RARB: variants seen among roughly 807,000 people sequenced by gnomAD.
The protein encoded by RARB is HBV-activated protein.
In RARB, 17 loss-of-function variants were observed where a neutral mutation model predicts 51.9. That is an observed-to-expected ratio of 0.33 (90% CI 0.22 to 0.49). The LOEUF is 0.49. RARB is among the 20% of genes least tolerant of loss of function. The pLI is 0.99. For missense variants in RARB, 369 were observed against 550.8 expected (o/e 0.67, Z 3.30); for synonymous variants, 215 against 195.4 (o/e 1.10, Z -0.84).
intron 5 of RARB, among the ~76,000 whole-genome samples, chr3:25,420,258 A>T (rs1707823279): frequency 6.6e-6 from 1 of 152,186 alleles, no homozygotes; most frequent in African/African-American, 2.4e-5. Flanking sequence ...ACTAGGATGA[A>T]TTTAAATTCC....
At chr3:25,141,026 A>C (rs1163774290) in intron 4 of RARB, among the ~76,000 whole-genome samples, 1 of 152,190 alleles carries the variant, frequency 6.6e-6, no homozygotes, top group Non-Finnish European at 1.5e-5. Flanking sequence ...CTGGGAAACC[A>C]AAACATTTGT....
intron 5 of RARB, among the ~76,000 whole-genome samples, chr3:25,340,024 A>G (rs916323077): frequency 6.6e-6 from 1 of 152,198 alleles, no homozygotes; most frequent in African/African-American, 2.4e-5. Context: ...TGCCATGGAC[A>G]TATGAAAAAG....
chr3:24,896,480 C>T (rs1171375837), intron 2 of RARB, among the ~76,000 whole-genome samples: 1 of 151,992 alleles, frequency 6.6e-6, no homozygotes, highest in African/African-American at 2.4e-5. Context: ...AGGATGGTCT[C>T]GATCTCCTGA....
At chr3:25,508,014 A>G (rs1697695180) in intron 3 of RARB, among the ~76,000 whole-genome samples, 3 of 152,042 alleles carry the variant, frequency 2.0e-5, no homozygotes, top group Admixed American at 1.3e-4. Flanking sequence ...GCCTCTTTGT[A>G]TTGCTCTTTG....
At position 24,965,347 on chromosome 3, in the gene RARB, A is replaced by G. The variant is rs532363786; in HGVS notation, c.-379-94778A>G. 7.9e-5 allele frequency among the ~76,000 whole-genome samples: 12 copies of G among 152,324 alleles called. No homozygotes were observed. The South Asian group carries it at 2.1e-3, about 26-fold the overall frequency. ...AAATGTCAAAATATTTGAAACCAGAAATACATTAATTGAGGTCATTTCGAG... is the reference window on the plus strand; with the variant it reads ...AAATGTCAAAATATTTGAAACCAGAGATACATTAATTGAGGTCATTTCGAG... On this transcript the variant is annotated intron_variant, in intron 2 of 11. Coordinates refer to the RARB transcript ENST00000383772.
Position 24,909,338 on chromosome 3 carries a change from A to G in RARB, c.-380+50586A>G, listed in dbSNP as rs78067385. Among the ~76,000 whole-genome samples the G allele has an allele frequency of 6.5e-3, 992 of 152,308 alleles. 9 individuals are homozygous for G. The highest frequency in any genetic ancestry group is 0.023 in the African/African-American group (960 of 41,552). ...ACATTTCTATAACATGAATTAGCACACACATGATTGGTAAATAGAGCAATA... is the reference window on the plus strand; with the variant it reads ...ACATTTCTATAACATGAATTAGCACGCACATGATTGGTAAATAGAGCAATA... On this transcript the variant is annotated intron_variant, in intron 2 of 11. Transcript: ENST00000383772.
chr3:25,445,744 A>T lies in RARB; in HGVS notation c.158-15449A>T, dbSNP rs573122959. ...CCACAGTGAGAGTTATTATTTATAA[A>T]TTGTCAGGAGTTCTCTAAACAAGAA... On this transcript the variant is annotated intron_variant, in intron 1 of 7. Coordinates refer to ENST00000330688, the MANE Select transcript of RARB (RefSeq NM_000965.5). 2.6e-5 allele frequency among the ~76,000 whole-genome samples: 4 copies of T among 152,316 alleles called. No individual in the cohort carries two copies. The East Asian group carries it at 7.7e-4, about 29-fold the overall frequency.
intron 1 of RARB, among the ~76,000 whole-genome samples, chr3:25,432,184 TCA>T (rs1298084217): frequency 1.3e-5 from 2 of 152,112 alleles, no homozygotes; most frequent in South Asian, 2.1e-4. Flanking sequence ...AGTGAAAGAT[TCA>T]CAAAGTTTTC....
At chr3:24,962,943 A>G (rs965147434) in intron 2 of RARB, among the ~76,000 whole-genome samples, 1 of 152,192 alleles carries the variant, frequency 6.6e-6, no homozygotes, top group Non-Finnish European at 1.5e-5. Flanking sequence ...CAGAGTGGTT[A>G]AGTAATTTGC....
At chr3:25,291,071 C>T (rs1021204363) in intron 5 of RARB, among the ~76,000 whole-genome samples, 5 of 152,162 alleles carry the variant, frequency 3.3e-5, no homozygotes, top group African/African-American at 1.2e-4. Flanking sequence ...GCAAATCTTT[C>T]TGAAATCCCT....
intron 2 of RARB, among the ~76,000 whole-genome samples, chr3:25,049,301 T>C (rs1698279600): frequency 1.3e-5 from 2 of 152,160 alleles, no homozygotes; most frequent in African/African-American, 4.8e-5. Flanking sequence ...CTGAAGAAAT[T>C]TGTCTTCTGC....
chr3:25,321,498 A>G (rs1368918139), intron 5 of RARB, among the ~76,000 whole-genome samples: 11 of 152,064 alleles, frequency 7.2e-5, no homozygotes, highest in Non-Finnish European at 8.8e-5. Context: ...CAGTCCAGTC[A>G]CCTGAGGTTA....
intron 2 of RARB, among the ~76,000 whole-genome samples, chr3:24,980,784 C>T (rs1559420849): frequency 6.6e-6 from 1 of 152,214 alleles, no homozygotes; most frequent in Non-Finnish European, 1.5e-5. Context: ...CAAACTCATT[C>T]TCTGTCCAGT....
intron 5 of RARB, among the ~76,000 whole-genome samples, chr3:25,317,085 G>GTATTA (rs59448581): frequency 0.015 from 2,279 of 151,310 alleles, 26 homozygotes; most frequent in Middle Eastern, 0.038. Context: ...TATAAGTCGT[G>GTATTA]TAAAAGAATA....
At chr3:25,004,549 G>A (rs1468681257) in intron 2 of RARB, among the ~76,000 whole-genome samples, 7 of 152,060 alleles carry the variant, frequency 4.6e-5, no homozygotes, top group African/African-American at 1.7e-4. Flanking sequence ...TCATTCATGG[G>A]AGCAGAGCTC....
rs561189465 is a variant in RARB, at chr3:25,470,498, A to G, written c.306+9157A>G. On this transcript the variant is annotated intron_variant, in intron 2 of 7. Coordinates refer to ENST00000330688, the MANE Select transcript of RARB (RefSeq NM_000965.5). ...GATGTGATTTTATAGATGTGTAAGC[A>G]TTTTCCAGATGAGGAAGGGGAGAGG... 2.0e-5 allele frequency among the ~76,000 whole-genome samples: 3 copies of G among 152,276 alleles called. No individual in the cohort carries two copies. The East Asian group carries it at 5.8e-4, about 29-fold the overall frequency.
intron 5 of RARB, among the ~76,000 whole-genome samples, chr3:25,239,580 TTGACCTC>T (rs1316522639): frequency 6.6e-6 from 1 of 152,206 alleles, no homozygotes; most frequent in Non-Finnish European, 1.5e-5. Flanking sequence ...GTATAGGTTC[TTGACCTC>T]TTTGTCAAAA....
chr3:25,561,274 C>G (rs1476476188), intron 3 of RARB, among the ~76,000 whole-genome samples: 1 of 151,822 alleles, frequency 6.6e-6, no homozygotes, highest in South Asian at 2.1e-4. Flanking sequence ...TCTTTCTTGC[C>G]TCAAATGCTG....
intron 5 of RARB, among the ~76,000 whole-genome samples, chr3:25,197,287 T>C (rs958714009): frequency 1.3e-5 from 2 of 152,288 alleles, no homozygotes; most frequent in African/African-American, 4.8e-5. Flanking sequence ...TGCATATGGC[T>C]AGCCAGTTTT....
Sources: allele counts gnomAD v4.1 joint callset (sites outside exome capture counted in the v4.1 genomes callset), GRCh38; gene constraint gnomAD v4.1.1; transcripts MANE v1.5; gene names NCBI Gene and HGNC (gene_info 2026-07-23, HGNC 2026-07-21).